Variants in SGCZ observed in about 807,000 individuals in gnomAD.
SGCZ encodes sarcoglycan zeta.
A neutral mutation model predicts 41.3 loss-of-function variants in SGCZ; 40 were observed. The ratio of observed to expected loss-of-function variants is 0.97; its 90% CI spans 0.75 to 1.26. The LOEUF (loss-of-function observed/expected upper bound fraction) is 1.26. Among genes scored for constraint, SGCZ ranks in the 50% most tolerant of loss-of-function variants. The pLI is 0.00. For missense variants in SGCZ, 552 were observed against 369.8 expected, an observed-to-expected ratio of 1.49 and a Z score of -4.04; for synonymous variants, 206 against 137.5, an observed-to-expected ratio of 1.50 and a Z score of -3.49.
chr8:14,729,824 C>A (rs771467533), intron 1 of SGCZ, among the ~76,000 whole-genome samples: 5 of 152,220 alleles, frequency 3.3e-5, no homozygotes, highest in Non-Finnish European at 7.3e-5. Context: ...GTGGCTCACA[C>A]CTGTAATCCT....
At chr8:14,913,188 C>G (rs1799328095) in intron 1 of SGCZ, among the ~76,000 whole-genome samples, 1 of 151,950 alleles carries the variant, frequency 6.6e-6, no homozygotes, top group Non-Finnish European at 1.5e-5. Flanking sequence ...TTCAGCATAT[C>G]CTTAGAATTT....
intron 1 of SGCZ, among the ~76,000 whole-genome samples, chr8:15,002,866 G>A (rs1802476520): frequency 6.6e-6 from 1 of 152,088 alleles, no homozygotes; most frequent in Admixed American, 6.5e-5. Context: ...AATCCCACAT[G>A]CCATAGGAGG....
At chr8:14,892,056 C>G (rs1169848031) in intron 1 of SGCZ, among the ~76,000 whole-genome samples, 1 of 152,206 alleles carries the variant, frequency 6.6e-6, no homozygotes, top group Admixed American at 6.5e-5. Flanking sequence ...TGGGCTGGCA[C>G]TGAACCTGGA....
chr8:14,615,370 C>T (rs572124573), intron 1 of SGCZ, among the ~76,000 whole-genome samples: 9 of 152,342 alleles, frequency 5.9e-5, no homozygotes, highest in Admixed American at 3.9e-4. Flanking sequence ...GATTTCTCTT[C>T]TGTGCTCCTG....
At chr8:14,930,955 T>C (rs946209969) in intron 1 of SGCZ, among the ~76,000 whole-genome samples, 4 of 152,012 alleles carry the variant, frequency 2.6e-5, no homozygotes, top group African/African-American at 7.3e-5. Context: ...ATGGCACGTG[T>C]ATACCTATGT....
chr8:15,042,837 C>T (rs1357591497), intron 1 of SGCZ, among the ~76,000 whole-genome samples: 1 of 152,176 alleles, frequency 6.6e-6, no homozygotes, highest in Non-Finnish European at 1.5e-5. Context: ...CAAACCCAGG[C>T]TTCCCACTTG....
chr8:15,219,627 G>C (rs1483585915), intron 1 of SGCZ, among the ~76,000 whole-genome samples: 1 of 152,046 alleles, frequency 6.6e-6, no homozygotes, highest in Non-Finnish European at 1.5e-5. Context: ...AGTGGTCTTT[G>C]GATACTGAGT....
chr8:14,675,420 TTAAA>T (rs1401772402), intron 1 of SGCZ, among the ~76,000 whole-genome samples: 2 of 152,124 alleles, frequency 1.3e-5, no homozygotes, highest in Non-Finnish European at 1.5e-5. Flanking sequence ...AATTCACATA[TTAAA>T]TACAGAGGAA....
chr8:14,841,796 G>A (rs1802925438), intron 1 of SGCZ, among the ~76,000 whole-genome samples: 1 of 152,124 alleles, frequency 6.6e-6, no homozygotes, highest in African/African-American at 2.4e-5. Flanking sequence ...ATGCAATGTT[G>A]TCATCTTACA....
intron 1 of SGCZ, among the ~76,000 whole-genome samples, chr8:14,688,665 C>T (rs777153905): frequency 6.6e-6 from 1 of 152,080 alleles, no homozygotes; most frequent in Non-Finnish European, 1.5e-5. Context: ...TTAGGATTGA[C>T]TTGGCAATGC....
At chr8:14,158,555 C>A (rs1322458300) in intron 5 of SGCZ, among the ~76,000 whole-genome samples, 1 of 152,098 alleles carries the variant, frequency 6.6e-6, no homozygotes, top group African/African-American at 2.4e-5. Context: ...ATCCTTCAAT[C>A]CAATCAAGTT....
At chr8:14,516,820 C>T (rs180719048) in intron 2 of SGCZ, among the ~76,000 whole-genome samples, 21 of 152,130 alleles carry the variant, frequency 1.4e-4, no homozygotes, top group African/African-American at 4.8e-4. Context: ...ATTTTGTTCA[C>T]TGTTAACATT....
intron 3 of SGCZ, among the ~76,000 whole-genome samples, chr8:14,311,618 G>C (rs1179869038): frequency 1.3e-5 from 2 of 152,094 alleles, no homozygotes; most frequent in Non-Finnish European, 2.9e-5. Flanking sequence ...GTTTATATTG[G>C]TAAAAACTTG....
intron 1 of SGCZ, among the ~76,000 whole-genome samples, chr8:14,753,245 T>C (rs1013979962): frequency 3.3e-5 from 5 of 152,188 alleles, no homozygotes; most frequent in Non-Finnish European, 7.3e-5. Context: ...AAATTTTAGA[T>C]TCATAAATTT....
At chr8:14,726,403 A>G (rs1026826553) in intron 1 of SGCZ, among the ~76,000 whole-genome samples, 61 of 149,118 alleles carry the variant, frequency 4.1e-4, no homozygotes, top group South Asian at 6.3e-4. Flanking sequence ...AAAGTTACAC[A>G]GGAAGATTAA....
chr8:14,197,498 A>T (rs1805303423), intron 4 of SGCZ, among the ~76,000 whole-genome samples: 1 of 152,132 alleles, frequency 6.6e-6, no homozygotes, highest in Non-Finnish European at 1.5e-5. Context: ...TGGTATGTTC[A>T]GCCTTTGAAA....
chr8:14,603,565 G>T (rs1056363829), intron 1 of SGCZ, among the ~76,000 whole-genome samples: 1 of 151,720 alleles, frequency 6.6e-6, no homozygotes, highest in Non-Finnish European at 1.5e-5. Context: ...TTTTAAACAA[G>T]ATCATGATAA....
In SGCZ at chr8:14,588,642, G is replaced by T. The variant is rs564755818; in HGVS notation, c.40-33716C>A. ...AAAGAAAAGAGAAAATGGCAAAAAAGCAAGAAATAAAAACGTTAGGAAGGG... is the reference window on the plus strand; with the variant it reads ...AAAGAAAAGAGAAAATGGCAAAAAATCAAGAAATAAAAACGTTAGGAAGGG... On this transcript the variant is annotated intron_variant, in intron 1 of 7. Transcript: ENST00000382080. Among the ~76,000 whole-genome samples the T allele has an allele frequency of 1.1e-4, 17 of 152,076 alleles. No homozygotes were observed. The East Asian group carries it at 2.7e-3, about 24-fold the overall frequency.
chr8:14,744,460 G>A (rs1012742160), intron 1 of SGCZ, among the ~76,000 whole-genome samples: 2 of 152,018 alleles, frequency 1.3e-5, no homozygotes, highest in Non-Finnish European at 2.9e-5. Flanking sequence ...TTGGAGAAAT[G>A]CATCCATATC....
Sources: gnomAD v4.1 joint callset for allele counts (sites outside exome capture counted in the v4.1 genomes callset) on GRCh38, gnomAD v4.1.1 for gene constraint, MANE v1.5 for transcripts, NCBI Gene and HGNC (gene_info 2026-07-23, HGNC 2026-07-21) for gene names.